Variants in CIT observed in about 807,000 individuals in gnomAD.
CIT encodes the protein citron rho-interacting serine/threonine kinase.
A neutral mutation model predicts 272.7 loss-of-function variants in CIT; 79 were observed. The ratio of observed to expected loss-of-function variants is 0.29; its 90% CI spans 0.24 to 0.35. The LOEUF (loss-of-function observed/expected upper bound fraction) is 0.35. Among genes scored for constraint, CIT ranks in the 10% least tolerant of loss-of-function variants. The pLI is 1.00. For synonymous variants in CIT, 948 were observed against 995.6 expected (o/e 0.95, Z 0.90); for missense variants, 1,909 against 2,618.3 (o/e 0.73, Z 5.91).
intron 4 of CIT, among the ~76,000 whole-genome samples, chr12:119,854,948 C>A (rs1267613674): frequency 7.7e-4 from 115 of 149,380 alleles, no homozygotes; most frequent in Non-Finnish European, 3.5e-4. Context: ...GAGACTCATT[C>A]TCTAAATAAA....
intron 3 of CIT, among the ~76,000 whole-genome samples, chr12:119,864,096 A>C (rs562098571): frequency 1.3e-3 from 205 of 152,202 alleles, no homozygotes; most frequent in African/African-American, 4.5e-3. Flanking sequence ...TTCTATATTT[A>C]ACATTGTATT....
At chr12:119,775,628 C>T (rs556836262) in intron 16 of CIT, among the ~76,000 whole-genome samples, 158 bp downstream of exon 16, 2 of 152,224 alleles carry the variant, frequency 1.3e-5, no homozygotes, top group Non-Finnish European at 2.9e-5. Context: ...ATATTCAGAA[C>T]TCTGATATTT....
intron 4 of CIT, among the ~76,000 whole-genome samples, chr12:119,854,776 C>G (rs950300198): frequency 6.6e-6 from 1 of 151,766 alleles, no homozygotes; most frequent in Non-Finnish European, 1.5e-5. Flanking sequence ...TGGTGAAACC[C>G]CCCCTCTGCA....
intron 18 of CIT, among the ~76,000 whole-genome samples, chr12:119,769,894 G>A (rs1962900430): frequency 6.6e-6 from 1 of 152,182 alleles, no homozygotes; most frequent in Admixed American, 6.5e-5. Flanking sequence ...AATAGTTGCT[G>A]GTGACTCATT....
chr12:119,858,829 A>G (rs1156848411), intron 3 of CIT, among the ~76,000 whole-genome samples: 2 of 152,040 alleles, frequency 1.3e-5, no homozygotes, highest in Non-Finnish European at 2.9e-5. Context: ...CTCAAAAAAA[A>G]AAAACAGCGT....
chr12:119,702,612 G>A (rs1412493689), intron 41 of CIT, among the ~76,000 whole-genome samples: 3 of 152,020 alleles, frequency 2.0e-5, no homozygotes, highest in East Asian at 1.9e-4. Context: ...GCTCAAACCC[G>A]GGAGGCAGAG....
intron 17 of CIT, among the ~76,000 whole-genome samples, 159 bp downstream of exon 17, chr12:119,772,611 G>A (rs1342062598): frequency 6.6e-6 from 1 of 152,212 alleles, no homozygotes; most frequent in South Asian, 2.1e-4. Flanking sequence ...TCTTTCCCCT[G>A]GGGGGAAATG....
At chr12:119,730,008 C>T (rs537358271) in intron 27 of CIT, among the ~76,000 whole-genome samples, 45 of 152,246 alleles carry the variant, frequency 3.0e-4, no homozygotes, top group South Asian at 2.3e-3. Flanking sequence ...GGATGGAACA[C>T]GTGTATTTCC....
chr12:119,768,271 T>A lies in CIT; in HGVS notation c.2209-1089A>T, dbSNP rs75392974. ...TTGAAAATTGCAGTTCATTTGCCAATGTTTTATAAACTGACCTTACAAAAG... is the reference window on the plus strand; with the variant it reads ...TTGAAAATTGCAGTTCATTTGCCAAAGTTTTATAAACTGACCTTACAAAAG... On this transcript the variant is annotated intron_variant, in intron 18 of 47. Coordinates refer to ENST00000392521, the MANE Select transcript of CIT (RefSeq NM_001206999.2). The surrounding 1 kb of genome is among the most constrained non-coding windows in gnomAD (Gnocchi z 4.3). Among the ~76,000 whole-genome samples, 244 of 152,352 alleles carry A rather than the reference T, an allele frequency of 1.6e-3. 2 individuals carry two copies. Among genetic ancestry groups the A allele is most frequent in the African/African-American group, 5.7e-3 (236 of 41,580 alleles).
At chr12:119,805,695 A>G (rs10774515) in intron 9 of CIT, among the ~76,000 whole-genome samples, 104,009 of 152,112 alleles carry the variant, frequency 0.68, 35,969 homozygotes, top group East Asian at 0.97. Context: ...ATTAATGGAG[A>G]GTAAAAGCCA....
intron 41 of CIT, among the ~76,000 whole-genome samples, chr12:119,702,897 A>ATCG (rs1448526330): frequency 1.3e-5 from 2 of 149,712 alleles, no homozygotes; most frequent in African/African-American, 5.1e-5. Context: ...AGTCATCATC[A>ATCG]TGATCATCAT....
chr12:119,857,411 A>T, intron 4 of CIT, 112 bp downstream of exon 4: 1 of 1,044,486 alleles, frequency 9.6e-7, no homozygotes. Context: ...TTAAATATAG[A>T]GTCACAGAGG....
rs116178295 is a variant in CIT, at chr12:119,774,834, T to C, written c.1941+952A>G. 6.9e-3 allele frequency among the ~76,000 whole-genome samples: 1,042 copies of C among 151,732 alleles called. 11 individuals are homozygous for C. Among genetic ancestry groups the C allele is most frequent in the African/African-American group, 0.025 (1,016 of 41,296 alleles). On this transcript the variant is annotated intron_variant, in intron 16 of 47. Coordinates refer to ENST00000392521, the MANE Select transcript of CIT (RefSeq NM_001206999.2). The stretch of plus-strand genomic sequence containing the variant: ...CAGAAAATACAGAAAATCAGCTGGG[T>C]GTAGTGGTGCACACCTGTAGTCCCA...
At chr12:119,855,296 G>A (rs772833039) in intron 4 of CIT, among the ~76,000 whole-genome samples, 29 of 152,034 alleles carry the variant, frequency 1.9e-4, no homozygotes, top group South Asian at 4.2e-4. Flanking sequence ...TGTGGCAGGC[G>A]CCTGTAGTCC....
intron 23 of CIT, among the ~76,000 whole-genome samples, chr12:119,745,194 TAAAAAG>T (rs929364115): frequency 8.5e-6 from 1 of 117,236 alleles, no homozygotes; most frequent in East Asian, 2.3e-4. Context: ...AGTCCAATAA[TAAAAAG>T]AAAATCTTAA....
At position 119,690,487 on chromosome 12, in the gene CIT, A is replaced by G; in HGVS notation, c.5883-33T>C. 6.5e-7 allele frequency: 1 copy of G among 1,534,490 alleles called. No homozygotes were observed. Among genetic ancestry groups the G allele is most frequent in the Non-Finnish European group, 8.7e-7 (1 of 1,151,718 alleles). ...CACAAGAGGAACGTAGGGAGCTGCGAGGCCACAACCCCAGAGGGGCATTTT... is the reference window on the plus strand; with the variant it reads ...CACAAGAGGAACGTAGGGAGCTGCGGGGCCACAACCCCAGAGGGGCATTTT... On this transcript the variant is annotated intron_variant, in intron 46 of 47. Transcript: ENST00000392521. This position sits in a 1 kb window ranked among gnomAD's most constrained non-coding sequence, Gnocchi z 6.0.
In CIT at chr12:119,690,643, C is replaced by T. The variant is rs139877635; in HGVS notation, c.5883-189G>A. Among the ~76,000 whole-genome samples, 36 of 152,306 alleles carry T rather than the reference C, an allele frequency of 2.4e-4. No homozygotes were observed. Among genetic ancestry groups the T allele is most frequent in the Non-Finnish European group, 4.7e-4 (32 of 68,030 alleles). On this transcript the variant is annotated intron_variant, in intron 46 of 47. Coordinates refer to ENST00000392521, the MANE Select transcript of CIT (RefSeq NM_001206999.2). This position sits in a 1 kb window ranked among gnomAD's most constrained non-coding sequence, Gnocchi z 6.0. ...AAGACAGGGAAGAGAGCAAAGATGG[C>T]AACAAAAGACAACCCACCTTCCTCA...
Position 119,697,202 on chromosome 12 carries a change from G to T in CIT, c.5882+457C>A, listed in dbSNP as rs1188307239. ...AATCCTCCCTCACCTCCACGTCCAG[G>T]CTTTCAACCACCCCACCAGGGCCTC... On this transcript the variant is annotated intron_variant, in intron 46 of 47. Coordinates refer to ENST00000392521, the MANE Select transcript of CIT (RefSeq NM_001206999.2). The surrounding 1 kb of genome is among the most constrained non-coding windows in gnomAD (Gnocchi z 4.9). Among the ~76,000 whole-genome samples, 1 of 151,882 alleles carries T rather than the reference G, an allele frequency of 6.6e-6. No individual in the cohort carries two copies. Among genetic ancestry groups the T allele is most frequent in the African/African-American group, 2.4e-5 (1 of 41,308 alleles).
At chr12:119,785,117 C>T (rs375384821) in intron 10 of CIT, 52 bp from the exon 11 acceptor site, 6 of 1,584,268 alleles carry the variant, frequency 3.8e-6, no homozygotes, top group Middle Eastern at 1.7e-4. Context: ...GCCTAAGAAG[C>T]TGCATTAGGA....
Sources: allele counts gnomAD v4.1 joint callset (sites outside exome capture counted in the v4.1 genomes callset), GRCh38; gene constraint gnomAD v4.1.1; non-coding constraint Gnocchi (gnomAD v3.1); transcripts MANE v1.5; gene names NCBI Gene and HGNC (gene_info 2026-07-23, HGNC 2026-07-21).